IFT88: variants seen among roughly 807,000 people sequenced by gnomAD.
IFT88 encodes intraflagellar transport protein 88 homolog.
A neutral mutation model predicts 119.5 loss-of-function variants in IFT88; 74 were observed. That is an observed-to-expected ratio of 0.62 (90% CI 0.51 to 0.75). The LOEUF (loss-of-function observed/expected upper bound fraction) is 0.75. Ranked by LOEUF, IFT88 falls within the 30% of genes least tolerant of loss-of-function variation. The probability of loss-of-function intolerance (pLI) is 0.00; values close to 1 mark genes in which losing one functional copy is unlikely to be tolerated. For synonymous variants in IFT88, 279 were observed against 316.7 expected (o/e 0.88, Z 1.26); for missense variants, 961 against 977.7 (o/e 0.98, Z 0.23).
intron 22 of IFT88, among the ~76,000 whole-genome samples, chr13:20,661,981 G>C (rs2053882641): frequency 6.6e-6 from 1 of 152,156 alleles, no homozygotes. Flanking sequence ...GATACAGCTA[G>C]ATTTTCAAAT....
chr13:20,666,529 C>T (rs989276467), intron 23 of IFT88, among the ~76,000 whole-genome samples: 18 of 152,114 alleles, frequency 1.2e-4, no homozygotes, highest in Non-Finnish European at 2.4e-4. Context: ...GAGTAGCATG[C>T]GAGTTTATGG....
chr13:20,596,962 A>G (rs906224380), intron 8 of IFT88, 53 bp from the exon 9 acceptor site: 2 of 985,782 alleles, frequency 2.0e-6, no homozygotes, highest in African/African-American at 1.7e-5. Flanking sequence ...TCTCAAATGC[A>G]TAAAAGTTGA....
At chr13:20,571,972 A>G (rs898517651) in intron 1 of IFT88, among the ~76,000 whole-genome samples, 7 of 152,204 alleles carry the variant, frequency 4.6e-5, no homozygotes, top group African/African-American at 1.7e-4. Flanking sequence ...TTAGTTGGGT[A>G]TGACAAGAAT....
chr13:20,615,876 A>G lies in IFT88; in HGVS notation c.1196A>G (p.Asp399Gly). The G allele has an allele frequency of 1.3e-6, 2 of 1,593,912 alleles. No homozygotes were observed. The highest frequency in any genetic ancestry group is 2.2e-5 in the East Asian group (1 of 44,450). ...GAAACATCTTTTGCTGCAGGTTATG[A>G]TTGGTAAGAGAGAAAGTCTATAATA... ...VIETSFAAGY[D>G]WCVEVVKASQ... Residue 399 changes from aspartate (D) to glycine (G), a missense_variant, in exon 14 of 26, where the codon GAT (aspartate) becomes GGT (glycine). Physicochemically the swap from Asp to Gly is moderately conservative, Grantham distance 94. Transcript: ENST00000351808.
At chr13:20,681,388 T>C (rs2057303757) in intron 24 of IFT88, among the ~76,000 whole-genome samples, 1 of 152,176 alleles carries the variant, frequency 6.6e-6, no homozygotes, top group African/African-American at 2.4e-5. Flanking sequence ...GAGAATTAGG[T>C]TCCGATCCTC....
chr13:20,672,839 T>C (rs1041511977), intron 24 of IFT88, among the ~76,000 whole-genome samples: 1 of 151,282 alleles, frequency 6.6e-6, no homozygotes, highest in East Asian at 1.9e-4. Context: ...ACCTGAAGAG[T>C]TGGCTTTCAG....
intron 2 of IFT88, among the ~76,000 whole-genome samples, chr13:20,577,949 C>G (rs1318081177): frequency 6.7e-6 from 1 of 148,820 alleles, no homozygotes; most frequent in Non-Finnish European, 1.5e-5. Context: ...CTTTAAATGT[C>G]TGGTAAAATT....
At chr13:20,665,987 A>G (rs947049886) in intron 23 of IFT88, among the ~76,000 whole-genome samples, 1 of 152,216 alleles carries the variant, frequency 6.6e-6, no homozygotes, top group African/African-American at 2.4e-5. Context: ...GCCACTAAGG[A>G]ATGTTTTTAA....
chr13:20,580,347 G>A (rs1265924583), intron 2 of IFT88, among the ~76,000 whole-genome samples: 1 of 152,046 alleles, frequency 6.6e-6, no homozygotes, highest in African/African-American at 2.4e-5. Context: ...GTGAAGTTCT[G>A]TCTCTACTAA....
chr13:20,573,508 T>G (rs1317104213), intron 1 of IFT88, among the ~76,000 whole-genome samples: 2 of 152,226 alleles, frequency 1.3e-5, no homozygotes, highest in Non-Finnish European at 2.9e-5. Flanking sequence ...ATGAACATTC[T>G]TATACAAATC....
At position 20,663,601 on chromosome 13, in the gene IFT88, A is replaced by G. The variant is rs1227965958; in HGVS notation, c.2172A>G (p.Glu724=). ...TGGAAAAAATGAAAGAAATAAGGGA[A>G]CAGGTATCTCATATGGGCCCCAAAC... is the stretch of plus-strand genomic sequence containing the variant. ...KRLEKMKEIR[E]QRIKSGRDGS... Residue 724 remains glutamate, a synonymous_variant, in exon 23 of 26, where the codon GAA becomes GAG. Coordinates refer to ENST00000351808, the MANE Select transcript of IFT88 (RefSeq NM_006531.5). The G allele has an allele frequency of 6.2e-7, 1 of 1,608,242 alleles. No homozygotes were observed. Among genetic ancestry groups the G allele is most frequent in the Admixed American group, 1.7e-5 (1 of 59,916 alleles).
intron 15 of IFT88, among the ~76,000 whole-genome samples, chr13:20,628,882 ATTG>A (rs2047749670): frequency 6.6e-6 from 1 of 152,176 alleles, no homozygotes. Flanking sequence ...GCCTTAAAGT[ATTG>A]TTATTAATGA....
intron 16 of IFT88, chr13:20,631,378 G>T (rs546927126): frequency 2.9e-4 from 91 of 317,664 alleles, no homozygotes; most frequent in Non-Finnish European, 4.8e-4. Flanking sequence ...GGAAGAGCTA[G>T]AGATGTATTT....
At chr13:20,687,962 G>C (rs930691652) in intron 24 of IFT88, among the ~76,000 whole-genome samples, 33 of 152,348 alleles carry the variant, frequency 2.2e-4, no homozygotes, top group Middle Eastern at 6.8e-3. Context: ...AAAAAGGCCA[G>C]AGCAGAGGTC....
intron 20 of IFT88, among the ~76,000 whole-genome samples, chr13:20,650,079 A>G (rs2051371385): frequency 6.6e-6 from 1 of 152,102 alleles, no homozygotes; most frequent in African/African-American, 2.4e-5. Context: ...ATTTTTTTTC[A>G]AACTCTCCTA....
At chr13:20,582,288 C>T (rs1477946042) in intron 2 of IFT88, among the ~76,000 whole-genome samples, 6 of 152,126 alleles carry the variant, frequency 3.9e-5, no homozygotes, top group African/African-American at 2.4e-5. Flanking sequence ...TTCTTTTCCT[C>T]AAATTTCCTG....
rs1407150971 is a variant in IFT88 at position 20,652,921 on chromosome 13, A to G, written c.1950-955A>G. On this transcript the variant is annotated intron_variant, in intron 20 of 25. Coordinates refer to ENST00000351808, the MANE Select transcript of IFT88 (RefSeq NM_006531.5). ...TCTAGCAAATGCAGGGGATACAGGG[A>G]AGTCCGTGCTCCTGTGTGAATTTGC... 5.3e-5 allele frequency among the ~76,000 whole-genome samples: 8 copies of G among 152,176 alleles called. No individual in the cohort carries two copies. In the East Asian group the frequency reaches 1.5e-3, roughly 29 times the overall value.
intron 23 of IFT88, among the ~76,000 whole-genome samples, chr13:20,670,523 C>CTTTTTTT (rs56143632): frequency 2.1e-5 from 2 of 94,980 alleles, no homozygotes; most frequent in Non-Finnish European, 4.1e-5. Context: ...CTCAGCTTAC[C>CTTTTTTT]TTTTTTTTTT....
At chr13:20,642,320 T>C (rs1015093371) in intron 18 of IFT88, 5 of 152,196 alleles carry the variant, frequency 3.3e-5, no homozygotes, top group East Asian at 1.9e-4. Context: ...ATTTTAGTTT[T>C]AGGCCAGGCA....
Sources: allele counts gnomAD v4.1 joint callset (sites outside exome capture counted in the v4.1 genomes callset), GRCh38; gene constraint gnomAD v4.1.1; transcripts MANE v1.5; gene names NCBI Gene and HGNC (gene_info 2026-07-23, HGNC 2026-07-21).